The following NMNAT3 variants were observed in gnomAD, a reference collection of about 807,000 sequenced individuals.
NMNAT3 encodes the protein nicotinamide nucleotide adenylyltransferase 3, also known as nicotinamide/nicotinic acid mononucleotide adenylyltransferase 3.
NMNAT3 carries 21 observed loss-of-function variants against 24.8 expected under a neutral mutation model. The ratio of observed to expected loss-of-function variants is 0.85; its 90% CI spans 0.60 to 1.22. The LOEUF is 1.22. Ranked by LOEUF, NMNAT3 falls within the 50% of genes most tolerant of loss-of-function variation. The pLI is 0.00. For synonymous variants in NMNAT3, 136 were observed against 155.2 expected (o/e 0.88, Z 0.92); for missense variants, 387 against 436.6 (o/e 0.89, Z 1.01).
chr3:139,633,820 A>G (rs955274540), intron 2 of NMNAT3, among the ~76,000 whole-genome samples: 3 of 152,128 alleles, frequency 2.0e-5, no homozygotes, highest in East Asian at 3.9e-4. Context: ...CTGGGTGCCT[A>G]TGGAGTTTAG....
intron 3 of NMNAT3, among the ~76,000 whole-genome samples, chr3:139,599,836 C>T (rs560175186): frequency 5.3e-5 from 8 of 152,192 alleles, no homozygotes; most frequent in Non-Finnish European, 2.9e-5. Flanking sequence ...GTCCTGCTGG[C>T]CAGAAGTGCC....
Position 139,561,139 on chromosome 3 carries a change from GC to G in NMNAT3, c.911del (p.Gly304AlafsTer6). On this transcript the variant is annotated frameshift_variant, in exon 7 of 7. Transcript: ENST00000643695. LOFTEE classifies it low-confidence loss of function (END_TRUNC). Reference sequence around the variant, plus strand: ...TCAGGTACTTTACGCTCTGCCCTTGGCCCAAGGCTCGCCTGATGTATGTGGC... The same window carrying G: ...TCAGGTACTTTACGCTCTGCCCTTGGCCAAGGCTCGCCTGATGTATGTGGC... 6.2e-7 allele frequency: 1 copy of G among 1,614,116 alleles called. No individual in the cohort carries two copies. Among genetic ancestry groups the G allele is most frequent in the Non-Finnish European group, 8.5e-7 (1 of 1,180,024 alleles).
chr3:139,592,335 A>G (rs570705126), intron 3 of NMNAT3, among the ~76,000 whole-genome samples: 1 of 152,362 alleles, frequency 6.6e-6, no homozygotes, highest in South Asian at 2.1e-4. Context: ...GACCAAATCT[A>G]CGTCTGATTG....
At chr3:139,622,850 A>T (rs542444934) in intron 3 of NMNAT3, among the ~76,000 whole-genome samples, 263 of 141,394 alleles carry the variant, frequency 1.9e-3, no homozygotes, top group African/African-American at 4.5e-3. Flanking sequence ...TATATATATT[A>T]TATATATATA....
At chr3:139,576,115 C>T in intron 5 of NMNAT3, 1 of 1,234,658 alleles carries the variant, frequency 8.1e-7, no homozygotes, top group South Asian at 1.4e-5. Flanking sequence ...GTTACTATGT[C>T]ACTATGATGC....
At chr3:139,582,605 G>A (rs2053697044) in intron 4 of NMNAT3, among the ~76,000 whole-genome samples, 1 of 116,462 alleles carries the variant, frequency 8.6e-6, no homozygotes, top group Non-Finnish European at 1.6e-5. Context: ...TTGCACCATT[G>A]CACTCCAGCC....
At chr3:139,604,692 C>G (rs2054862471) in intron 3 of NMNAT3, among the ~76,000 whole-genome samples, 1 of 152,216 alleles carries the variant, frequency 6.6e-6, no homozygotes, top group Non-Finnish European at 1.5e-5. Context: ...ACTGTCTGCA[C>G]ATTGTCTACA....
chr3:139,672,380 T>G (rs1441251510), intron 1 of NMNAT3, among the ~76,000 whole-genome samples: 1 of 152,234 alleles, frequency 6.6e-6, no homozygotes, highest in Non-Finnish European at 1.5e-5. Flanking sequence ...GGTTGACTGA[T>G]GGACACATTT....
intron 3 of NMNAT3, among the ~76,000 whole-genome samples, chr3:139,592,152 T>A (rs139197577): frequency 0.14 from 21,096 of 151,926 alleles, 1,918 homozygotes; most frequent in Non-Finnish European, 0.21. Context: ...AAACCAAGGC[T>A]CGAGAACTAT....
At chr3:139,653,090 A>G (rs1165112688) in intron 1 of NMNAT3, among the ~76,000 whole-genome samples, 5 of 152,220 alleles carry the variant, frequency 3.3e-5, no homozygotes, top group Non-Finnish European at 7.3e-5. Flanking sequence ...TGGTGGTGCC[A>G]TAAGTTGCAG....
intron 4 of NMNAT3, among the ~76,000 whole-genome samples, chr3:139,581,394 C>A: frequency 6.7e-6 from 1 of 149,600 alleles, no homozygotes. Context: ...ACACAAGTGT[C>A]ATAGCAACTT....
At chr3:139,568,634 C>G (rs981714156) in intron 6 of NMNAT3, 1 of 152,210 alleles carries the variant, frequency 6.6e-6, no homozygotes, top group Non-Finnish European at 1.5e-5. Context: ...TGTTCCGTTT[C>G]CATGTAGCTG....
intron 5 of NMNAT3, among the ~76,000 whole-genome samples, chr3:139,574,390 G>A (rs1938963085): frequency 6.6e-6 from 1 of 152,164 alleles, no homozygotes; most frequent in Non-Finnish European, 1.5e-5. Flanking sequence ...AGATTAAAGG[G>A]GTTAATACAC....
At chr3:139,608,110 C>T (rs920996546) in intron 3 of NMNAT3, among the ~76,000 whole-genome samples, 1 of 152,202 alleles carries the variant, frequency 6.6e-6, no homozygotes, top group African/African-American at 2.4e-5. Context: ...GCTGGTTCTC[C>T]ACTCTGAATG....
chr3:139,580,386 G>T (rs140080695), intron 4 of NMNAT3, among the ~76,000 whole-genome samples: 2,654 of 152,234 alleles, frequency 0.017, 74 homozygotes, highest in African/African-American at 0.06. Context: ...GCCTCCCAAA[G>T]TGCTGGGATT....
At chr3:139,673,721 T>C (rs2057832774) in intron 1 of NMNAT3, among the ~76,000 whole-genome samples, 2 of 152,074 alleles carry the variant, frequency 1.3e-5, no homozygotes, top group South Asian at 4.2e-4. Context: ...GACTATGTCA[T>C]TTTGACTCAC....
intron 6 of NMNAT3, chr3:139,566,667 AG>A (rs1397671047): frequency 6.6e-6 from 1 of 152,080 alleles, no homozygotes; most frequent in Admixed American, 6.6e-5. Flanking sequence ...AAGATCAGAT[AG>A]TTGTAGATAG....
At chr3:139,653,515 A>G (rs1402331301) in intron 1 of NMNAT3, among the ~76,000 whole-genome samples, 2 of 152,234 alleles carry the variant, frequency 1.3e-5, no homozygotes, top group Non-Finnish European at 2.9e-5. Flanking sequence ...TTATTTGACT[A>G]TATTAGCAAA....
At chr3:139,621,493 T>C (rs969046425) in intron 3 of NMNAT3, among the ~76,000 whole-genome samples, 2 of 152,216 alleles carry the variant, frequency 1.3e-5, no homozygotes, top group Non-Finnish European at 2.9e-5. Flanking sequence ...TGCCTCTGCC[T>C]CCCGAGTAGC....
Sources: gnomAD v4.1 joint callset for allele counts (sites outside exome capture counted in the v4.1 genomes callset) on GRCh38, gnomAD v4.1.1 for gene constraint, MANE v1.5 for transcripts, NCBI Gene and HGNC (gene_info 2026-07-23, HGNC 2026-07-21) for gene names.